Variants in ZNF808 observed in about 807,000 individuals in gnomAD.
The protein encoded by ZNF808 is zinc finger protein 808.
In ZNF808, 5 loss-of-function variants were observed where a neutral mutation model predicts 8.7. That is an observed-to-expected ratio of 0.58 (90% confidence interval 0.30 to 1.21). ZNF808 has a LOEUF of 1.21. ZNF808 is among the 50% of genes most tolerant of loss of function. The pLI, the probability that ZNF808 is intolerant of heterozygous loss-of-function variation, is 0.07. For synonymous variants in ZNF808, 380 were observed against 366.0 expected (o/e 1.04, Z -0.44); for missense variants, 1,103 against 1,098.4 (o/e 1.00, Z -0.06).
chr19:52,564,028 TC>T lies in ZNF808; in HGVS notation c.*1135del, dbSNP rs34806382. 500 of 539,928 alleles carry T rather than the reference TC, an allele frequency of 9.3e-4. 1 individual carries two copies. Among genetic ancestry groups the T allele is most frequent in the Non-Finnish European group, 1.4e-3 (425 of 298,252 alleles). The allele number at this position is 539,928 out of a possible 1,614,324, so 33.4% of individuals were successfully genotyped here. A position where few individuals can be genotyped will look rare whatever the true frequency, so the allele number is the denominator to read the frequency against. On this transcript the variant is annotated 3_prime_UTR_variant and NMD_transcript_variant, in exon 4 of 4. Coordinates refer to the ZNF808 transcript ENST00000487863. ...ACAAACAAAAAGGTCTAGCCCCCTC[TC>T]CTCCTTTGTCTGCCATCATGGTGTG...
downstream of ZNF808, among the ~76,000 whole-genome samples, chr19:52,566,799 G>A (rs1019545461): frequency 6.6e-6 from 1 of 152,132 alleles, no homozygotes; most frequent in South Asian, 2.1e-4. Flanking sequence ...GTCTTAAGAT[G>A]TTTACAGTTA....
intron 2 of ZNF808, among the ~76,000 whole-genome samples, chr19:52,542,631 G>C (rs1354277863): frequency 3.9e-5 from 6 of 152,068 alleles, no homozygotes; most frequent in Non-Finnish European, 7.4e-5. Flanking sequence ...AGGTGGTCGG[G>C]GCAGAGCTTA....
intron 2 of ZNF808, among the ~76,000 whole-genome samples, chr19:52,543,052 G>A (rs1048207797): frequency 2.0e-5 from 3 of 151,954 alleles, no homozygotes; most frequent in Non-Finnish European, 2.9e-5. Context: ...CGTGTGTGGC[G>A]GCTTCTCCAT....
chr19:52,546,261 C>T (rs1368739635), intron 3 of ZNF808, among the ~76,000 whole-genome samples: 1 of 148,942 alleles, frequency 6.7e-6, no homozygotes, highest in East Asian at 2.0e-4. Flanking sequence ...GATATTGGGT[C>T]ATTGCAACCT....
chr19:52,537,687 C>CAAA (rs11330924), intron 2 of ZNF808, among the ~76,000 whole-genome samples: 1 of 117,074 alleles, frequency 8.5e-6, no homozygotes, highest in African/African-American at 2.9e-5. Context: ...GACCCTGTCT[C>CAAA]AAAAAAAAAA....
At chr19:52,561,635 C>T (rs138840089) in intron 3 of ZNF808, among the ~76,000 whole-genome samples, 1,535 of 151,898 alleles carry the variant, frequency 0.01, 26 homozygotes, top group African/African-American at 0.033. Context: ...GCAACCTCTG[C>T]CTCCCAGGTT....
At chr19:52,548,772 A>T (rs1375359255) in intron 4 of ZNF808, among the ~76,000 whole-genome samples, 3 of 152,148 alleles carry the variant, frequency 2.0e-5, no homozygotes, top group Non-Finnish European at 2.9e-5. Flanking sequence ...GTATGTGTAT[A>T]CCACATTTTC....
chr19:52,544,610 C>T (rs1373020458), intron 3 of ZNF808, among the ~76,000 whole-genome samples: 1 of 152,060 alleles, frequency 6.6e-6, no homozygotes, highest in Non-Finnish European at 1.5e-5. Context: ...GTTAAAGGTG[C>T]ACACCACCAT....
At chr19:52,548,678 G>A (rs2059746461) in intron 4 of ZNF808, among the ~76,000 whole-genome samples, 1 of 152,116 alleles carries the variant, frequency 6.6e-6, no homozygotes, top group Non-Finnish European at 1.5e-5. Context: ...AGCTGCCTTG[G>A]ATTCCCAAAG....
chr19:52,532,277 G>C (rs976743678), intron 1 of ZNF808, among the ~76,000 whole-genome samples: 1 of 151,590 alleles, frequency 6.6e-6, no homozygotes, highest in African/African-American at 2.4e-5. Flanking sequence ...TCAGGCTGGA[G>C]TGCAGTGGCA....
At chr19:52,542,306 C>G (rs2059678846) in intron 2 of ZNF808, among the ~76,000 whole-genome samples, 1 of 151,994 alleles carries the variant, frequency 6.6e-6, no homozygotes, top group Non-Finnish European at 1.5e-5. Flanking sequence ...GGGTCTGTGC[C>G]CCCAGGACCT....
intron 4 of ZNF808, among the ~76,000 whole-genome samples, chr19:52,549,347 G>T (rs766916315): frequency 4.6e-5 from 7 of 152,044 alleles, no homozygotes; most frequent in Non-Finnish European, 7.4e-5. Context: ...ATGGTCTACT[G>T]TACTCTTCAT....
intron 3 of ZNF808, among the ~76,000 whole-genome samples, chr19:52,543,877 G>A (rs899542165): frequency 6.6e-6 from 1 of 150,518 alleles, no homozygotes; most frequent in Admixed American, 6.6e-5. Context: ...CAAGATGTTG[G>A]TCCCAGTGCA....
At chr19:52,533,312 C>T (rs1333032642) in intron 2 of ZNF808, among the ~76,000 whole-genome samples, 1 of 151,970 alleles carries the variant, frequency 6.6e-6, no homozygotes, top group Non-Finnish European at 1.5e-5. Context: ...CTGCAATTTC[C>T]ATCTCCCAGG....
chr19:52,561,328 G>A (rs1215069473), downstream of ZNF808, among the ~76,000 whole-genome samples: 1 of 151,498 alleles, frequency 6.6e-6, no homozygotes, highest in African/African-American at 2.4e-5. Flanking sequence ...ATGTTGGTGT[G>A]CTGCACCCAT....
At chr19:52,560,756 A>G (rs1199557683), downstream of ZNF808, among the ~76,000 whole-genome samples, 2 of 152,122 alleles carry the variant, frequency 1.3e-5, no homozygotes, top group African/African-American at 2.4e-5. Flanking sequence ...AACTTGGTCT[A>G]TCCCAGTGGA....
chr19:52,554,176 T>A lies in ZNF808; in HGVS notation c.1260T>A (p.Leu420=). ...HQSSLARHHI[L]HTGEKPYKCE... The stretch of plus-strand genomic sequence containing the variant: ...CAAGCCTTGCACGTCATCATATACT[T>A]CATACTGGAGAGAAACCTTACAAAT... The change falls in exon 5 of 5, where the codon CTT becomes CTA. Residue 420 remains leucine (L), a synonymous_variant. Coordinates refer to ENST00000359798, the MANE Select transcript of ZNF808 (RefSeq NM_001039886.4). 12 of 1,614,176 alleles carry A rather than the reference T, an allele frequency of 7.4e-6. No individual in the cohort carries two copies. The highest frequency in any genetic ancestry group is 1.0e-5 in the Non-Finnish European group (12 of 1,180,032).
chr19:52,536,632 C>T lies in ZNF808; in HGVS notation c.-20+3623C>T, dbSNP rs187081593. On this transcript the variant is annotated intron_variant, in intron 2 of 4. Coordinates refer to ENST00000359798, the MANE Select transcript of ZNF808 (RefSeq NM_001039886.4). ...ACACCGGGTATTCTTGCCTGCCCAGCTCCACCCTCCGGAAAATGCGCTTCT... is the reference window on the plus strand; with the variant it reads ...ACACCGGGTATTCTTGCCTGCCCAGTTCCACCCTCCGGAAAATGCGCTTCT... Among the ~76,000 whole-genome samples the T allele has an allele frequency of 1.1e-4, 16 of 152,308 alleles. No individual in the cohort carries two copies. The East Asian group carries it at 2.9e-3, about 28-fold the overall frequency.
chr19:52,548,252 T>C (rs138530200), intron 4 of ZNF808, among the ~76,000 whole-genome samples: 3,179 of 152,270 alleles, frequency 0.021, 104 homozygotes, highest in African/African-American at 0.073. Flanking sequence ...TATGTGTCAC[T>C]GTTCATTTTT....
Sources: gnomAD v4.1 joint callset for allele counts (sites outside exome capture counted in the v4.1 genomes callset) on GRCh38, gnomAD v4.1.1 for gene constraint, MANE v1.5 for transcripts, NCBI Gene and HGNC (gene_info 2026-07-23, HGNC 2026-07-21) for gene names.